The following GABRR2 variants were observed in gnomAD, a reference collection of about 807,000 sequenced individuals.
GABRR2 encodes gamma-aminobutyric acid receptor subunit rho-2.
GABRR2 carries 36 observed loss-of-function variants against 47.0 expected under a neutral mutation model. The ratio of observed to expected loss-of-function variants is 0.77; its 90% CI spans 0.59 to 1.01. The LOEUF (loss-of-function observed/expected upper bound fraction) is 1.01, where lower values mean the gene tolerates loss of function less well. Ranked by LOEUF, GABRR2 falls within the 50% of genes least tolerant of loss-of-function variation. The pLI is 0.00. For synonymous variants in GABRR2, 204 were observed against 227.5 expected, an observed-to-expected ratio of 0.90 and a Z score of 0.93; for missense variants, 587 against 594.6, an observed-to-expected ratio of 0.99 and a Z score of 0.13.
intron 1 of GABRR2, among the ~76,000 whole-genome samples, chr6:89,303,672 C>G (rs1039884844): frequency 6.0e-5 from 8 of 132,914 alleles, no homozygotes; most frequent in Non-Finnish European, 1.1e-4. Context: ...AAAAAAAACC[C>G]AAAGCTGGAG....
At chr6:89,286,632 C>T (rs370763342) in intron 2 of GABRR2, among the ~76,000 whole-genome samples, 5 of 151,818 alleles carry the variant, frequency 3.3e-5, no homozygotes, top group Non-Finnish European at 7.4e-5. Context: ...CACTGCCCAG[C>T]GGCCCAGTCC....
At chr6:89,261,342 CA>C (rs1046263356) in intron 8 of GABRR2, among the ~76,000 whole-genome samples, 67 of 152,192 alleles carry the variant, frequency 4.4e-4, no homozygotes, top group African/African-American at 1.6e-3. Flanking sequence ...TAAAAATAAG[CA>C]ACCTAGTATA....
In GABRR2 at chr6:89,302,989, G is replaced by A. The variant is rs9444686; in HGVS notation, c.114-3124C>T. 1.4e-3 allele frequency: 1,854 copies of A among 1,296,374 alleles called. 24 individuals carry two copies. The African/African-American group carries it at 0.022, about 15-fold the overall frequency. 80.3% of individuals were successfully genotyped at this position (1,296,374 alleles called of 1,614,324 possible). A position where few individuals can be genotyped will look rare whatever the true frequency, so the allele number is the denominator to read the frequency against. ...GGGCATGGACGAGATGGAGATCACC[G>A]AGGCCAAGAGCAACATGAATGACCT... On this transcript the variant is annotated intron_variant, in intron 1 of 8. Transcript: ENST00000402938.
chr6:89,267,092 T>C (rs1412460446), intron 6 of GABRR2, among the ~76,000 whole-genome samples: 1 of 150,126 alleles, frequency 6.7e-6, no homozygotes, highest in Admixed American at 6.7e-5. Flanking sequence ...CTTTGCCTCC[T>C]GGGTTCAAGC....
At chr6:89,288,500 A>G (rs1271208499) in intron 2 of GABRR2, among the ~76,000 whole-genome samples, 1 of 152,176 alleles carries the variant, frequency 6.6e-6, no homozygotes, top group Non-Finnish European at 1.5e-5. Flanking sequence ...TCTGACTACA[A>G]CTGCATGAGA....
At chr6:89,314,026 T>TG (rs759530814) in intron 1 of GABRR2, among the ~76,000 whole-genome samples, 11 of 147,898 alleles carry the variant, frequency 7.4e-5, no homozygotes, top group Non-Finnish European at 1.4e-4. Context: ...CAGGGTTTTT[T>TG]TTTTTTTTTT....
rs1192836064 is a variant in GABRR2, at chr6:89,257,833, C to T, written c.1235G>A (p.Gly412Asp). The T allele has an allele frequency of 6.2e-7, 1 of 1,613,948 alleles. No individual in the cohort carries two copies. The highest frequency in any genetic ancestry group is 8.5e-7 in the Non-Finnish European group (1 of 1,179,912). ...ERQDKIVVHL[G>D]LSGEANAARK... ...GGCAGCGTTGGCTTCACCACTCAGG[C>T]CCAGGTGGACCACTATTTTGTCTTG... The change falls in exon 9 of 9, where the codon GGC (glycine) becomes GAC (aspartate). Residue 412 changes from glycine to aspartate, a missense_variant. By Grantham distance (94) the Gly-to-Asp change is moderately conservative. Coordinates refer to ENST00000402938, the MANE Select transcript of GABRR2 (RefSeq NM_002043.5).
At chr6:89,270,583 C>G (rs955420854) in intron 3 of GABRR2, 1 of 152,252 alleles carries the variant, frequency 6.6e-6, no homozygotes, top group Non-Finnish European at 1.5e-5. Context: ...ACCTTTCACA[C>G]CTGGGCCCCA....
At chr6:89,266,912 C>A (rs533965556) in intron 6 of GABRR2, among the ~76,000 whole-genome samples, 47 of 151,936 alleles carry the variant, frequency 3.1e-4, no homozygotes, top group African/African-American at 9.0e-4. Flanking sequence ...CCTCAAACTC[C>A]TGTGCTCAAG....
At chr6:89,268,919 C>G in intron 4 of GABRR2, 92 bp downstream of exon 4, 1 of 1,156,858 alleles carries the variant, frequency 8.6e-7, no homozygotes. Context: ...ACCCACAGAC[C>G]CAACCGCAGT....
chr6:89,264,629 TG>T, intron 7 of GABRR2, 21 bp from the exon 8 acceptor site: 22 of 1,613,298 alleles, frequency 1.4e-5, no homozygotes, highest in Non-Finnish European at 1.9e-5. Context: ...CGGCCTTAGT[TG>T]GGCTGCTGAC....
chr6:89,295,404 T>C (rs905108763), intron 2 of GABRR2, among the ~76,000 whole-genome samples: 2 of 152,260 alleles, frequency 1.3e-5, no homozygotes, highest in Non-Finnish European at 2.9e-5. Flanking sequence ...ATGATGAGCA[T>C]TTTTTCATGT....
At chr6:89,313,578 G>A (rs983385526) in intron 1 of GABRR2, among the ~76,000 whole-genome samples, 1 of 125,438 alleles carries the variant, frequency 8.0e-6, no homozygotes, top group Non-Finnish European at 1.6e-5. Context: ...GCCTCTGAGG[G>A]TTTTGATCTG....
At chr6:89,266,046 G>A (rs1448645528) in intron 6 of GABRR2, among the ~76,000 whole-genome samples, 1 of 152,130 alleles carries the variant, frequency 6.6e-6, no homozygotes. Flanking sequence ...CAGAAGGGAA[G>A]TTTTAGTCGT....
intron 2 of GABRR2, among the ~76,000 whole-genome samples, chr6:89,285,403 G>A (rs749168993): frequency 6.6e-6 from 1 of 152,166 alleles, no homozygotes; most frequent in Non-Finnish European, 1.5e-5. Context: ...TTTCAGTTTA[G>A]AAATAGGCCT....
rs763645938 is a variant in GABRR2, at chr6:89,257,968, C to T, written c.1100G>A (p.Cys367Tyr). The stretch of plus-strand genomic sequence containing the variant: ...CATGGTTTTTGAATGAAGCATTCCA[C>T]ACATGCACGGGAACTATGGGCAGCA... ...RKLREKFPCM[C>Y]GMLHSKTMML... Residue 367 changes from cysteine (C) to tyrosine (Y), a missense_variant, in exon 9 of 9, where the codon TGT (cysteine) becomes TAT (tyrosine). Cys to Tyr is a radical substitution (Grantham distance 194). Transcript: ENST00000402938. The T allele has an allele frequency of 2.0e-5, 32 of 1,613,202 alleles. No homozygotes were observed. Among genetic ancestry groups the T allele is most frequent in the Non-Finnish European group, 2.5e-5 (30 of 1,179,562 alleles).
In GABRR2 at chr6:89,298,599, T is replaced by A. The variant is rs754310111; in HGVS notation, c.220+1160A>T. Among the ~76,000 whole-genome samples the A allele has an allele frequency of 3.4e-4, 52 of 152,204 alleles. No homozygotes were observed. The Middle Eastern group carries it at 0.01, about 30-fold the overall frequency. On this transcript the variant is annotated intron_variant, in intron 2 of 8. Transcript: ENST00000402938. ...CCGCCTGGGTCTGTCTTGGCCAAGGTTCATCAACTGAAATTCTTGGTGCCT... is the reference window on the plus strand; with the variant it reads ...CCGCCTGGGTCTGTCTTGGCCAAGGATCATCAACTGAAATTCTTGGTGCCT...
chr6:89,274,080 T>C (rs1050458057), intron 2 of GABRR2, among the ~76,000 whole-genome samples: 1 of 152,238 alleles, frequency 6.6e-6, no homozygotes, highest in Admixed American at 6.5e-5. Context: ...TGGTGTTAGT[T>C]ACTGTGTCTG....
intron 2 of GABRR2, among the ~76,000 whole-genome samples, chr6:89,292,779 C>CATATA (rs200886916): frequency 0.017 from 1,501 of 90,592 alleles, 208 homozygotes; most frequent in African/African-American, 0.026. Context: ...TCGTATATAT[C>CATATA]GTATATACGA....
Sources: gnomAD v4.1 joint callset for allele counts (sites outside exome capture counted in the v4.1 genomes callset) on GRCh38, gnomAD v4.1.1 for gene constraint, MANE v1.5 for transcripts, NCBI Gene and HGNC (gene_info 2026-07-23, HGNC 2026-07-21) for gene names.